The following HS6ST1 variants were observed in gnomAD, a reference collection of about 807,000 sequenced individuals.
HS6ST1 encodes the protein heparan-sulfate 6-O-sulfotransferase 1.
In HS6ST1, 3 loss-of-function variants were observed where a neutral mutation model predicts 25.2. That is an observed-to-expected ratio of 0.12 (90% CI 0.05 to 0.31). HS6ST1 has a LOEUF of 0.31. HS6ST1 is among the 10% of genes least tolerant of loss of function. The pLI is 1.00. For synonymous variants in HS6ST1, 204 were observed against 275.1 expected (o/e 0.74, Z 2.56); for missense variants, 310 against 609.6 (o/e 0.51, Z 5.18).
rs142880713 is a variant in HS6ST1 at position 128,298,913 on chromosome 2, G to T, written c.527+19124C>A. The stretch of plus-strand genomic sequence containing the variant: ...AGCTTCTCAGGAGGGAAAGCAGCAC[G>T]TCCCTGGGCGCGGCCACCCTGGGCC... On this transcript the variant is annotated intron_variant, in intron 1 of 1. Transcript: ENST00000259241. 2.4e-3 allele frequency among the ~76,000 whole-genome samples: 360 copies of T among 152,350 alleles called. 1 individual carries two copies. The highest frequency in any genetic ancestry group is 8.1e-3 in the African/African-American group (336 of 41,594).
Position 128,317,415 on chromosome 2 carries a change from C to T in HS6ST1, c.527+622G>A, listed in dbSNP as rs550697034. ...CCTGTGCCTGGAAGAATTCGGCTGG[C>T]AGGCCCCACTGGGAGGACAGGCGGT... On this transcript the variant is annotated intron_variant, in intron 1 of 1. Coordinates refer to ENST00000259241, the MANE Select transcript of HS6ST1 (RefSeq NM_004807.3). Among the ~76,000 whole-genome samples, 106 of 152,352 alleles carry T rather than the reference C, an allele frequency of 7.0e-4. 3 individuals are homozygous for T. The highest frequency in any genetic ancestry group is 3.4e-3 in the Middle Eastern group (1 of 294).
intron 1 of HS6ST1, among the ~76,000 whole-genome samples, chr2:128,281,845 G>A (rs1350686092): frequency 3.9e-5 from 6 of 152,222 alleles, no homozygotes; most frequent in African/African-American, 7.2e-5. Context: ...AACTCCTGGC[G>A]CTTTACCCAG....
At chr2:128,271,259 C>T (rs537532982) in intron 1 of HS6ST1, among the ~76,000 whole-genome samples, 164 of 152,354 alleles carry the variant, frequency 1.1e-3, no homozygotes, top group Non-Finnish European at 1.8e-3. Context: ...CATGGTGTAG[C>T]CTGTGCCTGT....
chr2:128,276,528 A>C (rs1284161403), intron 1 of HS6ST1, among the ~76,000 whole-genome samples: 1 of 152,168 alleles, frequency 6.6e-6, no homozygotes, highest in Non-Finnish European at 1.5e-5. Flanking sequence ...GGGTGCTCAC[A>C]GTGGCTTACG....
At chr2:128,273,034 G>A (rs939282884) in intron 1 of HS6ST1, among the ~76,000 whole-genome samples, 1 of 152,190 alleles carries the variant, frequency 6.6e-6, no homozygotes, top group Admixed American at 6.5e-5. Flanking sequence ...TCCTTCCTGC[G>A]CCCATGTCCC....
At chr2:128,275,076 T>A (rs60705975) in intron 1 of HS6ST1, among the ~76,000 whole-genome samples, 1,640 of 151,700 alleles carry the variant, frequency 0.011, 27 homozygotes, top group African/African-American at 0.036. Context: ...GTGTGGCAGA[T>A]TCTGGAATCA....
chr2:128,298,153 T>A (rs895225352), intron 1 of HS6ST1, among the ~76,000 whole-genome samples: 1 of 151,874 alleles, frequency 6.6e-6, no homozygotes, highest in African/African-American at 2.4e-5. Context: ...CTGGCTATTA[T>A]CAAAAAACAG....
chr2:128,298,750 G>A (rs1379624292), intron 1 of HS6ST1, among the ~76,000 whole-genome samples: 1 of 152,198 alleles, frequency 6.6e-6, no homozygotes, highest in Non-Finnish European at 1.5e-5. Context: ...ACTGTACAAT[G>A]TGAATGTACT....
chr2:128,270,537 G>A (rs1043187486), intron 1 of HS6ST1, among the ~76,000 whole-genome samples: 39 of 152,200 alleles, frequency 2.6e-4, no homozygotes, highest in African/African-American at 8.9e-4. Flanking sequence ...TGAGACAAAC[G>A]TTTTAGAAAC....
intron 1 of HS6ST1, among the ~76,000 whole-genome samples, chr2:128,316,537 G>A (rs1048673551): frequency 1.3e-5 from 2 of 152,134 alleles, no homozygotes; most frequent in Non-Finnish European, 2.9e-5. Context: ...GGTTAGGGGG[G>A]CCCTGCAGCA....
At chr2:128,273,256 G>A (rs1332900309) in intron 1 of HS6ST1, among the ~76,000 whole-genome samples, 9 of 152,186 alleles carry the variant, frequency 5.9e-5, no homozygotes, top group Admixed American at 2.0e-4. Flanking sequence ...CTGTCCCCAC[G>A]GCTCCCTGTG....
chr2:128,305,977 C>T lies in HS6ST1; in HGVS notation c.527+12060G>A, dbSNP rs1694202024. Among the ~76,000 whole-genome samples the T allele has an allele frequency of 2.0e-5, 3 of 152,332 alleles. No individual in the cohort carries two copies. In the South Asian group the frequency reaches 6.2e-4, roughly 32 times the overall value. On this transcript the variant is annotated intron_variant, in intron 1 of 1. Transcript: ENST00000259241. Reference sequence around the variant, plus strand: ...ACTCTGGGGAGTGACCTGCCTGCGACTTGTCACTGGGAGGAGTTTGGGGGA... The same window carrying T: ...ACTCTGGGGAGTGACCTGCCTGCGATTTGTCACTGGGAGGAGTTTGGGGGA...
rs555336627 is a variant in HS6ST1, at chr2:128,300,097, C to A, written c.527+17940G>T. On this transcript the variant is annotated intron_variant, in intron 1 of 1. Coordinates refer to ENST00000259241, the MANE Select transcript of HS6ST1 (RefSeq NM_004807.3). The stretch of plus-strand genomic sequence containing the variant: ...ACTGCTGAATTCACCAAACCAAGGA[C>A]CCCAGCGGCTTCCTCTGTAAAATGG... 5.3e-5 allele frequency among the ~76,000 whole-genome samples: 8 copies of A among 152,284 alleles called. No individual in the cohort carries two copies. In the South Asian group the frequency reaches 1.4e-3, roughly 28 times the overall value.
chr2:128,293,484 A>C (rs1693990996), intron 1 of HS6ST1, among the ~76,000 whole-genome samples: 1 of 152,192 alleles, frequency 6.6e-6, no homozygotes, highest in African/African-American at 2.4e-5. Context: ...ATTTCCCAGA[A>C]ACCACTGTTC....
chr2:128,294,112 G>A (rs1694000357), intron 1 of HS6ST1, among the ~76,000 whole-genome samples: 1 of 152,154 alleles, frequency 6.6e-6, no homozygotes, highest in East Asian at 1.9e-4. Context: ...CTGGAAACCT[G>A]CCCCAAACTC....
At chr2:128,313,958 A>AT (rs1237049240) in intron 1 of HS6ST1, among the ~76,000 whole-genome samples, 6 of 149,062 alleles carry the variant, frequency 4.0e-5, no homozygotes, top group Admixed American at 2.0e-4. Flanking sequence ...AAAAAAAAGG[A>AT]TTTTTTATCT....
chr2:128,281,494 G>A (rs1693785453), intron 1 of HS6ST1, among the ~76,000 whole-genome samples: 1 of 152,214 alleles, frequency 6.6e-6, no homozygotes, highest in African/African-American at 2.4e-5. Context: ...TCTTTGCCCT[G>A]TTTTCCTGCT....
In HS6ST1 at chr2:128,283,106, T is replaced by A. The variant is rs532602900; in HGVS notation, c.528-14236A>T. On this transcript the variant is annotated intron_variant, in intron 1 of 1. Transcript: ENST00000259241. ...CTGGCTCCAGGCCCACAGCTGTGTG[T>A]CCTGGGCAGGCCACCCCTGCGAGCC... is the stretch of plus-strand genomic sequence containing the variant. Among the ~76,000 whole-genome samples the A allele has an allele frequency of 1.8e-4, 28 of 152,300 alleles. No individual in the cohort carries two copies. The South Asian group carries it at 5.8e-3, about 32-fold the overall frequency.
chr2:128,268,477 C>T lies in HS6ST1; in HGVS notation c.921G>A (p.Thr307=), dbSNP rs566211566. 3.7e-6 allele frequency: 6 copies of T among 1,613,202 alleles called. No individual in the cohort carries two copies. Among genetic ancestry groups the T allele is most frequent in the Admixed American group, 1.7e-5 (1 of 59,972 alleles). The stretch of plus-strand genomic sequence containing the variant: ...AGGGCCGGATGAACTTGAGGTTGAA[C>T]GTCCGCTCGAACAGGTACTGCGTCT... ...QRKTQYLFER[T]FNLKFIRPFM... is the part of the protein sequence containing the mutation. Residue 307 remains threonine (T), a synonymous_variant, in exon 2 of 2, where the codon ACG becomes ACA. Coordinates refer to ENST00000259241, the MANE Select transcript of HS6ST1 (RefSeq NM_004807.3).
Sources: gnomAD v4.1 joint callset for allele counts (sites outside exome capture counted in the v4.1 genomes callset) on GRCh38, gnomAD v4.1.1 for gene constraint, MANE v1.5 for transcripts, NCBI Gene and HGNC (gene_info 2026-07-23, HGNC 2026-07-21) for gene names.